Variants in TOP3B observed in about 807,000 individuals in gnomAD.
TOP3B encodes the protein DNA topoisomerase III beta.
Under a neutral mutation model 93.9 loss-of-function variants are expected in TOP3B, and 45 were observed. The observed-to-expected ratio is 0.48, with a 90% CI of 0.38 to 0.61. The LOEUF (loss-of-function observed/expected upper bound fraction) is 0.61, where lower values mean the gene tolerates loss of function less well. Ranked by LOEUF, TOP3B falls within the 20% of genes least tolerant of loss-of-function variation. The pLI is 0.00. For missense variants in TOP3B, 750 were observed against 1,156.1 expected (o/e 0.65, Z 5.09); for synonymous variants, 357 against 472.6 (o/e 0.76, Z 3.17).
In TOP3B at chr22:21,970,558, G is replaced by A. The variant is rs2071597232; in HGVS notation, c.385-152C>T. On this transcript the variant is annotated intron_variant, in intron 5 of 17. Transcript: ENST00000357179. The surrounding 1 kb of genome is among the most constrained non-coding windows in gnomAD (Gnocchi z 4.4). ...CAGACCCTCCTCTATCCCCTTTCCTGCACCTGCCAGACCCTCCTCTATCCC... is the reference window on the plus strand; with the variant it reads ...CAGACCCTCCTCTATCCCCTTTCCTACACCTGCCAGACCCTCCTCTATCCC... 2 of 759,868 alleles carry A rather than the reference G, an allele frequency of 2.6e-6. No homozygotes were observed. Among genetic ancestry groups the A allele is most frequent in the Admixed American group, 5.1e-5 (2 of 39,558 alleles). 47.1% of individuals were successfully genotyped at this position (759,868 alleles called of 1,614,324 possible).
chr22:21,962,817 C>T lies in TOP3B; in HGVS notation c.1281G>A (p.Leu427=), dbSNP rs34867208. 1 of 1,614,012 alleles carries T rather than the reference C, an allele frequency of 6.2e-7. No homozygotes were observed. Among genetic ancestry groups the T allele is most frequent in the African/African-American group, 1.3e-5 (1 of 74,924 alleles). The change falls in exon 12 of 18, where the codon CTG becomes CTA. Residue 427 remains leucine, a synonymous_variant. Coordinates refer to ENST00000357179, the MANE Select transcript of TOP3B (RefSeq NM_001282112.2). ...CAATTCTGAAGGAGATGGTGCTCTGCAGGTACTTGCAGTCATGGCTGACCG... is the reference window on the plus strand; with the variant it reads ...CAATTCTGAAGGAGATGGTGCTCTGTAGGTACTTGCAGTCATGGCTGACCG... ...IATVSHDCKY[L]QSTISFRIGP...
intron 1 of TOP3B, chr22:21,982,093 CA>C (rs1464270493): frequency 6.6e-6 from 1 of 152,144 alleles, no homozygotes; most frequent in Non-Finnish European, 1.5e-5. Flanking sequence ...GTGACCTTGG[CA>C]AAAGAATCCC....
intron 14 of TOP3B, 36 bp from the exon 15 acceptor site, chr22:21,959,772 A>G (rs761287143): frequency 6.3e-7 from 1 of 1,598,046 alleles, no homozygotes; most frequent in South Asian, 1.1e-5. Context: ...TGCCCTGAGC[A>G]CTCGCACCCA....
chr22:21,964,646 A>C, intron 9 of TOP3B: 3 of 373,134 alleles, frequency 8.0e-6, no homozygotes, highest in African/African-American at 2.0e-5. Context: ...ACCACTCCCC[A>C]TGCATTGTCC....
chr22:21,975,491 C>G, intron 2 of TOP3B, 149 bp downstream of exon 2: 1 of 842,440 alleles, frequency 1.2e-6, no homozygotes, highest in East Asian at 3.0e-5. Context: ...AGCAAATGCA[C>G]CCCACTGTGA....
chr22:21,961,073 G>GAAA (rs2071157723), intron 13 of TOP3B: 1 of 153,674 alleles, frequency 6.5e-6, no homozygotes, highest in Non-Finnish European at 1.4e-5. Flanking sequence ...GGGGCAGAAA[G>GAAA]GAGGCTGGGG....
chr22:21,973,842 C>T (rs1266932797), intron 3 of TOP3B: 1 of 152,834 alleles, frequency 6.5e-6, no homozygotes, highest in African/African-American at 2.4e-5. Flanking sequence ...CCGTCATTGC[C>T]CACATCCCCA....
Position 21,963,699 on chromosome 22 carries a change from GTC to G in TOP3B, c.1204+222_1204+223del. On this transcript the variant is annotated intron_variant, in intron 11 of 17. Transcript: ENST00000357179. The surrounding 1 kb of genome is among the most constrained non-coding windows in gnomAD (Gnocchi z 4.8). ...TGGTTTCATTCATGTCCCCTGTGGC[GTC>G]TGCCCCCTTGCCTCCCTGCAACAGC... 1 of 565,322 alleles carries G rather than the reference GTC, an allele frequency of 1.8e-6. No individual in the cohort carries two copies. The highest frequency in any genetic ancestry group is 3.1e-6 in the Non-Finnish European group (1 of 318,650). 35.0% of individuals were successfully genotyped at this position (565,322 alleles called of 1,614,324 possible).
chr22:21,967,899 ACC>A (rs2071476655), intron 7 of TOP3B, 183 bp from the exon 8 acceptor site: 2 of 577,692 alleles, frequency 3.5e-6, no homozygotes, highest in Admixed American at 6.1e-5. Flanking sequence ...GGCCCTCTCC[ACC>A]ACTTGCCCCA....
Position 21,964,155 on chromosome 22 carries a change from ACT to A in TOP3B, c.1098+4_1098+5del. On this transcript the variant is annotated splice_donor_5th_base_variant and intron_variant, in intron 10 of 17. Transcript: ENST00000357179. Reference sequence around the variant, plus strand: ...CACATGCTGAGGCCGGCCCGGCTCCACTCACCGTGTCGGCCCAGTAGGGGTGG... The same window carrying A: ...CACATGCTGAGGCCGGCCCGGCTCCACACCGTGTCGGCCCAGTAGGGGTGG... The A allele has an allele frequency of 6.2e-7, 1 of 1,613,756 alleles. No individual in the cohort carries two copies. Among genetic ancestry groups the A allele is most frequent in the Non-Finnish European group, 8.5e-7 (1 of 1,179,962 alleles).
chr22:21,963,749 C>T lies in TOP3B; in HGVS notation c.1204+174G>A. ...AGCACCTGCTGCTACCTCTTCACTC[C>T]TGTCCTGGTCCCATAGCAATGGAGC... On this transcript the variant is annotated intron_variant, in intron 11 of 17. Coordinates refer to ENST00000357179, the MANE Select transcript of TOP3B (RefSeq NM_001282112.2). This position sits in a 1 kb window ranked among gnomAD's most constrained non-coding sequence, Gnocchi z 4.8. 1 of 648,608 alleles carries T rather than the reference C, an allele frequency of 1.5e-6. No individual in the cohort carries two copies. The highest frequency in any genetic ancestry group is 1.9e-5 in the South Asian group (1 of 52,768). 40.2% of individuals were successfully genotyped at this position (648,608 alleles called of 1,614,324 possible). A position where few individuals can be genotyped will look rare whatever the true frequency, so the allele number is the denominator to read the frequency against.
chr22:21,979,331 G>C (rs992886471), intron 1 of TOP3B, among the ~76,000 whole-genome samples: 1 of 152,038 alleles, frequency 6.6e-6, no homozygotes, highest in Non-Finnish European at 1.5e-5. Flanking sequence ...CAGAGGGTGG[G>C]AGGCTCAAAC....
intron 3 of TOP3B, 115 bp downstream of exon 3, chr22:21,974,242 G>A (rs1423047496): frequency 7.5e-7 from 1 of 1,328,216 alleles, no homozygotes; most frequent in African/African-American, 1.5e-5. Context: ...CTGGCCTTAT[G>A]ACTCATGGAG....
intron 1 of TOP3B, among the ~76,000 whole-genome samples, chr22:21,980,166 G>A (rs943467485): frequency 1.3e-5 from 2 of 152,136 alleles, no homozygotes; most frequent in Non-Finnish European, 2.9e-5. Context: ...CGATATGTCT[G>A]GATGGAACGC....
chr22:21,961,987 CCTGTGCCTGGGA>C, intron 13 of TOP3B: 1 of 629,690 alleles, frequency 1.6e-6, no homozygotes, highest in Non-Finnish European at 2.2e-6. Flanking sequence ...TTTGGGGAGC[CCTGTGCCTGGGA>C]CAGGCATTTC....
chr22:21,964,681 G>T (rs1381021280), intron 9 of TOP3B: 3 of 266,458 alleles, frequency 1.1e-5, no homozygotes, highest in Non-Finnish European at 2.2e-5. Flanking sequence ...ATACCTCGGG[G>T]TTGGCTGACG....
chr22:21,960,528 G>A (rs1020082274), intron 13 of TOP3B, 79 bp from the exon 14 acceptor site: 18 of 1,581,300 alleles, frequency 1.1e-5, no homozygotes, highest in African/African-American at 4.0e-5. Flanking sequence ...CACCTGTCAC[G>A]GGGCCCCTGG....
intron 16 of TOP3B, 124 bp from the exon 17 acceptor site, chr22:21,958,817 C>G (rs2071041054): frequency 7.1e-7 from 1 of 1,410,364 alleles, no homozygotes; most frequent in African/African-American, 1.4e-5. Context: ...CACTGCCAGG[C>G]AAGGAGCATG....
intron 14 of TOP3B, 104 bp from the exon 15 acceptor site, chr22:21,959,840 GC>G (rs2071090801): frequency 2.0e-6 from 3 of 1,489,248 alleles, no homozygotes; most frequent in Middle Eastern, 2.5e-4. Context: ...TCCCGCTCTG[GC>G]CCGTCCTCCT....
Sources: gnomAD v4.1 joint callset for allele counts (sites outside exome capture counted in the v4.1 genomes callset) on GRCh38, gnomAD v4.1.1 for gene constraint, Gnocchi (gnomAD v3.1) non-coding constraint, MANE v1.5 for transcripts, NCBI Gene and HGNC (gene_info 2026-07-23, HGNC 2026-07-21) for gene names.